DYNC1I2: variants seen among roughly 807,000 people sequenced by gnomAD.
DYNC1I2 encodes cytoplasmic dynein 1 intermediate chain 2.
Under a neutral mutation model 88.6 loss-of-function variants are expected in DYNC1I2, and 53 were observed. The ratio of observed to expected loss-of-function variants is 0.60; its 90% CI spans 0.48 to 0.75. The LOEUF (loss-of-function observed/expected upper bound fraction) is 0.75. Ranked by LOEUF, DYNC1I2 falls within the 30% of genes least tolerant of loss-of-function variation. The pLI, the probability that DYNC1I2 is intolerant of heterozygous loss-of-function variation, is 0.00. For synonymous variants in DYNC1I2, 198 were observed against 254.6 expected, an observed-to-expected ratio of 0.78 and a Z score of 2.12; for missense variants, 458 against 766.6, an observed-to-expected ratio of 0.60 and a Z score of 4.75.
chr2:171,702,975 T>G (rs1033948857), intron 3 of DYNC1I2, among the ~76,000 whole-genome samples: 1 of 152,224 alleles, frequency 6.6e-6, no homozygotes, highest in African/African-American at 2.4e-5. Flanking sequence ...TCCTCCTGCC[T>G]TGACCTTCCA....
At chr2:171,744,695 T>C (rs1224092616) in intron 16 of DYNC1I2, among the ~76,000 whole-genome samples, 3 of 152,198 alleles carry the variant, frequency 2.0e-5, no homozygotes, top group African/African-American at 7.2e-5. Context: ...TACTATAAAA[T>C]GAATATAGAA....
chr2:171,710,074 A>C (rs1387345405), intron 5 of DYNC1I2, among the ~76,000 whole-genome samples: 1 of 151,554 alleles, frequency 6.6e-6, no homozygotes, highest in Non-Finnish European at 1.5e-5. Context: ...ACTCACTTGG[A>C]AACATTAATT....
rs375875776 is a variant in DYNC1I2, at chr2:171,715,459, T to C, written c.511+16T>C. 2.2e-5 allele frequency: 32 copies of C among 1,480,894 alleles called. No individual in the cohort carries two copies. In the African/African-American group the frequency reaches 3.8e-4, roughly 17 times the overall value. 91.7% of individuals were successfully genotyped at this position (1,480,894 alleles called of 1,614,324 possible). A position where few individuals can be genotyped will look rare whatever the true frequency, so the allele number is the denominator to read the frequency against. On this transcript the variant is annotated intron_variant, in intron 7 of 17. Transcript: ENST00000397119. The stretch of plus-strand genomic sequence containing the variant: ...CCCAAAGAAGGTGAATATCTATCCT[T>C]AGTATAATTGTCATTGAGCACCTAT...
chr2:171,727,796 G>A (rs1168180458), intron 11 of DYNC1I2, 25 bp from the exon 12 acceptor site: 5 of 1,601,768 alleles, frequency 3.1e-6, no homozygotes, highest in Non-Finnish European at 1.7e-6. Context: ...TGAATCTCAA[G>A]TATAAAAATC....
rs1559412532 is a variant in DYNC1I2, at chr2:171,745,911, T to C, written c.1787T>C (p.Ile596Thr). 6 of 1,613,808 alleles carry C rather than the reference T, an allele frequency of 3.7e-6. No individual in the cohort carries two copies. Among genetic ancestry groups the C allele is most frequent in the East Asian group, 2.2e-5 (1 of 44,860 alleles). ...GGTGATTCTGAAGGACAGATTGTTA[T>C]ATACGATGTGGGAGAGGTATGGGAC... ...AVGDSEGQIV[I>T]YDVGEQIAVP... The change falls in exon 17 of 18, where the codon ATA (isoleucine) becomes ACA (threonine). Residue 596 changes from isoleucine to threonine, a missense_variant. By Grantham distance (89) the Ile-to-Thr change is moderately conservative. This residue lies in a region of DYNC1I2 where 188 missense variants were observed against 300.4 expected (regional missense o/e 0.63). Transcript: ENST00000397119.
intron 7 of DYNC1I2, among the ~76,000 whole-genome samples, chr2:171,719,868 T>A (rs1321862818): frequency 6.6e-6 from 1 of 152,234 alleles, no homozygotes. Flanking sequence ...TAGCACCACG[T>A]GACTTCAGTC....
At chr2:171,735,222 A>G (rs561899784) in intron 15 of DYNC1I2, among the ~76,000 whole-genome samples, 96 of 152,316 alleles carry the variant, frequency 6.3e-4, no homozygotes, top group Middle Eastern at 6.8e-3. Context: ...GTTTAAAGCA[A>G]TCTACTTCTA....
intron 3 of DYNC1I2, among the ~76,000 whole-genome samples, chr2:171,699,581 C>T (rs1310371950): frequency 7.0e-6 from 1 of 142,414 alleles, no homozygotes; most frequent in Non-Finnish European, 1.5e-5. Flanking sequence ...AGGGGTTATT[C>T]ATCATTTGGA....
At chr2:171,708,640 A>C (rs964232208) in intron 5 of DYNC1I2, among the ~76,000 whole-genome samples, 1 of 152,070 alleles carries the variant, frequency 6.6e-6, no homozygotes, top group African/African-American at 2.4e-5. Context: ...ATAGGGTTAA[A>C]ATTTTTTTTC....
At chr2:171,703,900 A>G (rs1686467377) in intron 3 of DYNC1I2, among the ~76,000 whole-genome samples, 1 of 152,192 alleles carries the variant, frequency 6.6e-6, no homozygotes, top group Non-Finnish European at 1.5e-5. Flanking sequence ...CGCATCCCAA[A>G]AGCTCACTCC....
chr2:171,720,084 C>A (rs967561077), intron 7 of DYNC1I2, among the ~76,000 whole-genome samples: 2 of 143,952 alleles, frequency 1.4e-5, no homozygotes, highest in African/African-American at 5.2e-5. Flanking sequence ...AAAAAGAAAT[C>A]CTGAAGGTTA....
intron 5 of DYNC1I2, among the ~76,000 whole-genome samples, chr2:171,710,200 A>T (rs1314203145): frequency 6.6e-6 from 1 of 151,812 alleles, no homozygotes; most frequent in East Asian, 1.9e-4. Context: ...ACTAAATCAT[A>T]TCCAGCTTTC....
intron 15 of DYNC1I2, 41 bp downstream of exon 15, chr2:171,729,894 G>C (rs1353999433): frequency 6.2e-7 from 1 of 1,608,296 alleles, no homozygotes; most frequent in East Asian, 2.2e-5. Flanking sequence ...TCAGGTTTCT[G>C]ACACAAGGTG....
chr2:171,708,802 C>T (rs903260385), intron 5 of DYNC1I2, among the ~76,000 whole-genome samples: 2 of 152,102 alleles, frequency 1.3e-5, no homozygotes, highest in Admixed American at 1.3e-4. Context: ...AAACGATCCT[C>T]CCACATCAGC....
chr2:171,698,551 C>G (rs2065117060), intron 3 of DYNC1I2, among the ~76,000 whole-genome samples: 1 of 151,992 alleles, frequency 6.6e-6, no homozygotes, highest in Non-Finnish European at 1.5e-5. Context: ...CCACACCCAG[C>G]TAATTTTTAA....
intron 5 of DYNC1I2, among the ~76,000 whole-genome samples, chr2:171,708,767 A>G (rs895168402): frequency 6.6e-6 from 1 of 152,048 alleles, no homozygotes; most frequent in Non-Finnish European, 1.5e-5. Context: ...ATCTTGGCTC[A>G]CTGCAACCTC....
At chr2:171,727,253 A>G (rs1267525646) in intron 11 of DYNC1I2, among the ~76,000 whole-genome samples, 1 of 152,166 alleles carries the variant, frequency 6.6e-6, no homozygotes, top group Non-Finnish European at 1.5e-5. Context: ...TTATTTGTGA[A>G]TATACAATTA....
intron 3 of DYNC1I2, among the ~76,000 whole-genome samples, chr2:171,705,432 C>T (rs1016451199): frequency 4.6e-5 from 7 of 152,038 alleles, no homozygotes; most frequent in African/African-American, 1.2e-4. Flanking sequence ...CTGATATGTA[C>T]ACTTGGAAAA....
intron 16 of DYNC1I2, 73 bp from the exon 17 acceptor site, chr2:171,745,729 A>G: frequency 1.4e-6 from 2 of 1,463,062 alleles, no homozygotes; most frequent in Non-Finnish European, 1.8e-6. Flanking sequence ...TTGAGAGAAG[A>G]ATTACTGTTT....
Sources: gnomAD v4.1 joint callset for allele counts (sites outside exome capture counted in the v4.1 genomes callset) on GRCh38, gnomAD v4.1.1 for gene constraint, gnomAD v4.1.1 regional missense constraint, MANE v1.5 for transcripts, NCBI Gene and HGNC (gene_info 2026-07-23, HGNC 2026-07-21) for gene names.